Variants in TNS3 observed in about 807,000 individuals in gnomAD.
TNS3 encodes tensin-3.
TNS3 carries 45 observed loss-of-function variants against 140.9 expected under a neutral mutation model. The ratio of observed to expected loss-of-function variants is 0.32; its 90% CI spans 0.25 to 0.41. The LOEUF (loss-of-function observed/expected upper bound fraction) is 0.41. Among genes scored for constraint, TNS3 ranks in the 10% least tolerant of loss-of-function variants. The probability of loss-of-function intolerance (pLI) is 1.00; values close to 1 mark genes in which losing one functional copy is unlikely to be tolerated. For missense variants in TNS3, 1,716 were observed against 1,906.7 expected, an observed-to-expected ratio of 0.90 and a Z score of 1.86; for synonymous variants, 815 against 788.4, an observed-to-expected ratio of 1.03 and a Z score of -0.56.
chr7:47,453,099 TG>T, intron 4 of TNS3: 3 of 985,550 alleles, frequency 3.0e-6, no homozygotes, highest in Non-Finnish European at 3.6e-6. Context: ...GCCCACCAGG[TG>T]GGAGAGCCTG....
At chr7:47,328,154 G>C (rs1788130566) in intron 20 of TNS3, among the ~76,000 whole-genome samples, 1 of 152,016 alleles carries the variant, frequency 6.6e-6, no homozygotes, top group Non-Finnish European at 1.5e-5. Context: ...GTTCCGGCCT[G>C]TCCCGAGGGA....
chr7:47,302,897 T>C (rs1428127857), intron 22 of TNS3, 53 bp downstream of exon 22: 28 of 1,542,778 alleles, frequency 1.8e-5, no homozygotes, highest in South Asian at 2.5e-5. Flanking sequence ...AACCCTTCCC[T>C]TCCCCAGTGA....
rs755058774 is a variant in TNS3, at chr7:47,368,911, A to T, written c.1735T>A (p.Tyr579Asn). ...KPSVSAQMQA[Y>N]GQSSYSTQTW... ...TGTGTGGAGTAGCTGCTCTGCCCAT[A>T]GGCCTGCATCTGGGCGGACACTGAG... The change falls in exon 17 of 31, where the codon TAT becomes AAT. Residue 579 changes from tyrosine (Y) to asparagine (N), a missense_variant. Physicochemically the swap from Tyr to Asn is moderately radical, Grantham distance 143 (BLOSUM62 -2). This residue lies in a region of TNS3 where 1,163 missense variants were observed against 1,182.1 expected (regional missense o/e 0.98). Transcript: ENST00000311160. 1.2e-6 allele frequency: 2 copies of T among 1,613,506 alleles called. No individual in the cohort carries two copies. Among genetic ancestry groups the T allele is most frequent in the Non-Finnish European group, 1.7e-6 (2 of 1,179,754 alleles).
intron 2 of TNS3, among the ~76,000 whole-genome samples, chr7:47,511,981 G>A (rs989781979): frequency 6.6e-6 from 1 of 152,224 alleles, no homozygotes; most frequent in Non-Finnish European, 1.5e-5. Context: ...TACTTTAGAC[G>A]CCTTGTTCCA....
intron 1 of TNS3, among the ~76,000 whole-genome samples, chr7:47,573,809 C>T (rs998667600): frequency 6.6e-6 from 1 of 152,212 alleles, no homozygotes; most frequent in Non-Finnish European, 1.5e-5. Flanking sequence ...TCTGCAAATG[C>T]CCACGTTGGA....
Position 47,453,034 on chromosome 7 carries a change from C to T in TNS3, c.-75-10979G>A, listed in dbSNP as rs1487035970. On this transcript the variant is annotated intron_variant, in intron 4 of 30. Transcript: ENST00000311160. Reference sequence around the variant, plus strand: ...CTTCCCCTGCTTTAGTCAAGCACACCCCTCTTCGTGTTAATGTCTCGGCAG... The same window carrying T: ...CTTCCCCTGCTTTAGTCAAGCACACTCCTCTTCGTGTTAATGTCTCGGCAG... 4 of 985,460 alleles carry T rather than the reference C, an allele frequency of 4.1e-6. No individual in the cohort carries two copies. The Admixed American group carries it at 2.5e-4, about 61-fold the overall frequency. 61.0% of individuals were successfully genotyped at this position (985,460 alleles called of 1,614,324 possible).
chr7:47,406,461 G>A (rs1358234828), intron 13 of TNS3, among the ~76,000 whole-genome samples: 1 of 152,136 alleles, frequency 6.6e-6, no homozygotes, highest in East Asian at 1.9e-4. Context: ...TCCCAGTGCA[G>A]AGGCCCTCAT....
In TNS3 at chr7:47,328,781, C is replaced by T. The variant is rs552752709; in HGVS notation, c.2650+15974G>A. ...CAAATCCCACCCTGTCACTGCACTG[C>T]TCAAACCCTGCAGGTTTTCTTCCGG... On this transcript the variant is annotated intron_variant, in intron 20 of 30. Transcript: ENST00000311160. Among the ~76,000 whole-genome samples the T allele has an allele frequency of 3.9e-4, 59 of 152,350 alleles. 1 individual carries two copies. Among genetic ancestry groups the T allele is most frequent in the African/African-American group, 1.4e-3 (57 of 41,594 alleles).
At chr7:47,410,912 G>C (rs1793732406) in intron 13 of TNS3, among the ~76,000 whole-genome samples, 1 of 152,062 alleles carries the variant, frequency 6.6e-6, no homozygotes, top group Admixed American at 6.5e-5. Flanking sequence ...AAAGATAAAA[G>C]GCAAAAATGT....
intron 4 of TNS3, among the ~76,000 whole-genome samples, chr7:47,450,525 C>G (rs1795967925): frequency 6.6e-6 from 1 of 152,238 alleles, no homozygotes; most frequent in Non-Finnish European, 1.5e-5. Flanking sequence ...AGTGTTTTCT[C>G]ACATAATTCC....
At chr7:47,446,940 G>A (rs1194296876) in intron 4 of TNS3, among the ~76,000 whole-genome samples, 4 of 151,528 alleles carry the variant, frequency 2.6e-5, no homozygotes, top group East Asian at 3.9e-4. Flanking sequence ...CACTGGCCTC[G>A]GTCTCCCAGA....
At chr7:47,378,242 C>T (rs1287292670) in intron 16 of TNS3, among the ~76,000 whole-genome samples, 1 of 152,178 alleles carries the variant, frequency 6.6e-6, no homozygotes, top group Non-Finnish European at 1.5e-5. Context: ...TGTGTGGACC[C>T]TCTGGGTGCA....
intron 20 of TNS3, among the ~76,000 whole-genome samples, chr7:47,344,539 G>A (rs1392527689): frequency 6.6e-6 from 1 of 152,236 alleles, no homozygotes; most frequent in African/African-American, 2.4e-5. Flanking sequence ...CCCACAGGAT[G>A]CCAGGCAGCG....
At chr7:47,579,419 G>C (rs1412555418) in intron 1 of TNS3, 1 of 152,184 alleles carries the variant, frequency 6.6e-6, no homozygotes. Context: ...CGCAAGACAG[G>C]AGGCCCCTCC....
chr7:47,284,541 G>A (rs1304168479), intron 27 of TNS3, among the ~76,000 whole-genome samples: 1 of 152,218 alleles, frequency 6.6e-6, no homozygotes, highest in Non-Finnish European at 1.5e-5. Flanking sequence ...CTGTGACCCT[G>A]CAGTTCAAGC....
intron 13 of TNS3, 118 bp from the exon 14 acceptor site, chr7:47,401,032 G>A: frequency 6.9e-7 from 1 of 1,442,144 alleles, no homozygotes; most frequent in East Asian, 2.5e-5. Context: ...CTCTGGCTGG[G>A]AGTTCACGCT....
chr7:47,311,723 G>A (rs1787115517), intron 20 of TNS3, among the ~76,000 whole-genome samples: 1 of 152,062 alleles, frequency 6.6e-6, no homozygotes, highest in Non-Finnish European at 1.5e-5. Flanking sequence ...AGAAGTTGTG[G>A]AGAAATTGAA....
At chr7:47,500,391 G>C (rs868149398) in intron 3 of TNS3, among the ~76,000 whole-genome samples, 9 of 152,242 alleles carry the variant, frequency 5.9e-5, no homozygotes, top group Non-Finnish European at 1.3e-4. Context: ...TGCTGGCCGC[G>C]TGAGCTGGGG....
At chr7:47,298,353 C>G (rs1258184836) in intron 23 of TNS3, among the ~76,000 whole-genome samples, 1 of 152,198 alleles carries the variant, frequency 6.6e-6, no homozygotes, top group Non-Finnish European at 1.5e-5. Context: ...AGGCATTCAA[C>G]TAATCATAAT....
Sources: allele counts gnomAD v4.1 joint callset (sites outside exome capture counted in the v4.1 genomes callset), GRCh38; gene constraint gnomAD v4.1.1; regional missense constraint gnomAD v4.1.1; transcripts MANE v1.5; gene names NCBI Gene and HGNC (gene_info 2026-07-23, HGNC 2026-07-21).